TUBB6: variants seen among roughly 807,000 people sequenced by gnomAD.
TUBB6 encodes the protein tubulin beta-6 chain.
TUBB6 carries 18 observed loss-of-function variants against 32.3 expected under a neutral mutation model. The observed-to-expected ratio is 0.56, with a 90% CI of 0.39 to 0.83. TUBB6 has a LOEUF of 0.83. Ranked by LOEUF, TUBB6 falls within the 40% of genes least tolerant of loss-of-function variation. The pLI is 0.00. For synonymous variants in TUBB6, 280 were observed against 265.8 expected (o/e 1.05, Z -0.52); for missense variants, 480 against 632.0 (o/e 0.76, Z 2.58).
At chr18:12,308,971 C>T (rs1452490853) in intron 2 of TUBB6, among the ~76,000 whole-genome samples, 176 bp downstream of exon 2, 3 of 152,220 alleles carry the variant, frequency 2.0e-5, no homozygotes, top group African/African-American at 7.2e-5. Flanking sequence ...ATTCAAACAG[C>T]TCGATTCAGC....
At chr18:12,322,932 GT>G (rs1182118536) in intron 3 of TUBB6, among the ~76,000 whole-genome samples, 5 of 151,952 alleles carry the variant, frequency 3.3e-5, no homozygotes, top group Admixed American at 6.6e-5. Flanking sequence ...CAGAAGAAGA[GT>G]TTTTTAAAGT....
chr18:12,312,428 C>T (rs1906433588), intron 3 of TUBB6, among the ~76,000 whole-genome samples: 1 of 152,202 alleles, frequency 6.6e-6, no homozygotes, highest in African/African-American at 2.4e-5. Flanking sequence ...CCCTTCCACT[C>T]ACTATGTGGC....
At chr18:12,310,162 G>A (rs551976611) in intron 2 of TUBB6, among the ~76,000 whole-genome samples, 1 of 152,230 alleles carries the variant, frequency 6.6e-6, no homozygotes, top group Non-Finnish European at 1.5e-5. Context: ...CCAGTGTTAA[G>A]GTTCTAGGAT....
intron 3 of TUBB6, among the ~76,000 whole-genome samples, chr18:12,322,981 G>A (rs2144161410): frequency 6.6e-6 from 1 of 152,014 alleles, no homozygotes; most frequent in African/African-American, 2.4e-5. Flanking sequence ...TATATCATAT[G>A]CAACTATTTG....
rs543759208 is a variant in TUBB6 at position 12,311,996 on chromosome 18, ATG to A, written c.277+946_277+947del. 2.8e-3 allele frequency among the ~76,000 whole-genome samples: 423 copies of A among 152,342 alleles called. 2 individuals carry two copies. Among genetic ancestry groups the A allele is most frequent in the African/African-American group, 9.8e-3 (408 of 41,584 alleles). On this transcript the variant is annotated intron_variant, in intron 3 of 3. Transcript: ENST00000317702. ...GTGAAAAGCAGTGTCTTCCAAGAAAATGTGAAGAATTTGAAGACTGATTCTGG... is the reference window on the plus strand; with the variant it reads ...GTGAAAAGCAGTGTCTTCCAAGAAAATGAAGAATTTGAAGACTGATTCTGG...
At chr18:12,308,390 G>A in intron 1 of TUBB6, 41 bp downstream of exon 1, 2 of 1,330,050 alleles carry the variant, frequency 1.5e-6, no homozygotes, top group South Asian at 2.1e-5. Context: ...CGGGTCGGCT[G>A]CTGGCGGGCC....
At chr18:12,327,832 G>A (rs559805516), downstream of TUBB6, among the ~76,000 whole-genome samples, 103 of 152,294 alleles carry the variant, frequency 6.8e-4, no homozygotes, top group Admixed American at 1.6e-3. Context: ...CCCCACTCTC[G>A]TCCCCCGGGA....
In TUBB6 at chr18:12,325,926, G is replaced by A. The variant is rs754760088; in HGVS notation, c.1137G>A (p.Lys379=). 51 of 1,614,056 alleles carry A rather than the reference G, an allele frequency of 3.2e-5. No individual in the cohort carries two copies. Among genetic ancestry groups the A allele is most frequent in the Non-Finnish European group, 4.0e-5 (47 of 1,180,048 alleles). ...GNSTAIQELF[K]RISEQFSAMF... is the part of the protein sequence containing the mutation. The stretch of plus-strand genomic sequence containing the variant: ...GCACGGCCATCCAGGAGCTGTTCAA[G>A]CGCATCTCCGAGCAGTTCTCAGCCA... The change falls in exon 4 of 4, where the codon AAG becomes AAA. Residue 379 remains lysine (K), a synonymous_variant. Transcript: ENST00000317702.
intron 2 of TUBB6, among the ~76,000 whole-genome samples, chr18:12,309,079 G>C (rs1052284810): frequency 6.6e-6 from 1 of 152,194 alleles, no homozygotes; most frequent in African/African-American, 2.4e-5. Flanking sequence ...AGCCGGGCGC[G>C]GTGGCTCAAG....
At chr18:12,310,393 A>C (rs1906304282) in intron 2 of TUBB6, among the ~76,000 whole-genome samples, 1 of 150,942 alleles carries the variant, frequency 6.6e-6, no homozygotes, top group Non-Finnish European at 1.5e-5. Flanking sequence ...TGGGAGGCTG[A>C]GGCAGGAGAA....
Position 12,325,413 on chromosome 18 carries a change from T to C in TUBB6, c.624T>C (p.Tyr208=), listed in dbSNP as rs774504482. The change falls in exon 4 of 4, where the codon TAT becomes TAC. Residue 208 remains tyrosine (Y), a synonymous_variant. Coordinates refer to ENST00000317702, the MANE Select transcript of TUBB6 (RefSeq NM_032525.3). ...ACTGCATCGACAACGAGGCGCTCTA[T>C]GACATCTGCTTCCGCACTCTGAAGC... The part of the protein sequence containing the change: ...ETYCIDNEAL[Y]DICFRTLKLT... 1.2e-6 allele frequency: 2 copies of C among 1,614,098 alleles called. No homozygotes were observed. Among genetic ancestry groups the C allele is most frequent in the Non-Finnish European group, 1.7e-6 (2 of 1,180,026 alleles).
rs182569434 is a variant in TUBB6 at position 12,325,000 on chromosome 18, G to A, written c.278-67G>A. 271 of 1,522,094 alleles carry A rather than the reference G, an allele frequency of 1.8e-4. 3 individuals carry two copies. In the South Asian group the frequency reaches 2.9e-3, roughly 16 times the overall value. The allele number at this position is 1,522,094 out of a possible 1,614,324, so 94.3% of individuals were successfully genotyped here. On this transcript the variant is annotated intron_variant, in intron 3 of 3. Coordinates refer to ENST00000317702, the MANE Select transcript of TUBB6 (RefSeq NM_032525.3). ...GGAATCACTTCACACCCTCCTTGTC[G>A]GTGACCAAGCATGGTGATGGCGCAG...
chr18:12,318,915 T>TG (rs1217030268), intron 3 of TUBB6, among the ~76,000 whole-genome samples: 2 of 152,000 alleles, frequency 1.3e-5, no homozygotes, highest in African/African-American at 4.8e-5. Context: ...CTCCCATAGC[T>TG]GGTCTTATAC....
intron 2 of TUBB6, among the ~76,000 whole-genome samples, chr18:12,309,865 G>A (rs1906263429): frequency 6.6e-6 from 1 of 152,204 alleles, no homozygotes; most frequent in Non-Finnish European, 1.5e-5. Flanking sequence ...TGGGGAAACA[G>A]CCAGTGGCGT....
chr18:12,329,127 C>T (rs1447679088), downstream of TUBB6: 7 of 702,812 alleles, frequency 1.0e-5, no homozygotes, highest in African/African-American at 1.7e-5. Flanking sequence ...CTTATCAAGA[C>T]TCCAATTTAA....
rs1290653609 is a variant in TUBB6, at chr18:12,325,851, C to T, written c.1062C>T (p.Cys354=). 1.2e-6 allele frequency: 2 copies of T among 1,614,184 alleles called. No individual in the cohort carries two copies. Among genetic ancestry groups the T allele is most frequent in the Non-Finnish European group, 1.7e-6 (2 of 1,180,054 alleles). ...WIPNNVKVAV[C]DIPPRGLKMA... is the part of the protein sequence containing the mutation. The stretch of plus-strand genomic sequence containing the variant: ...CCAACAACGTGAAGGTGGCCGTGTG[C>T]GACATCCCGCCCCGCGGCCTGAAGA... The change falls in exon 4 of 4, where the codon TGC becomes TGT. Residue 354 remains cysteine, a synonymous_variant. Coordinates refer to ENST00000317702, the MANE Select transcript of TUBB6 (RefSeq NM_032525.3).
In TUBB6 at chr18:12,325,725, C is replaced by A; in HGVS notation, c.936C>A (p.Thr312=). 2 of 1,614,236 alleles carry A rather than the reference C, an allele frequency of 1.2e-6. No homozygotes were observed. The highest frequency in any genetic ancestry group is 1.7e-6 in the Non-Finnish European group (2 of 1,180,050). The change falls in exon 4 of 4, where the codon ACC becomes ACA. Residue 312 remains threonine, a synonymous_variant. Coordinates refer to ENST00000317702, the MANE Select transcript of TUBB6 (RefSeq NM_032525.3). The stretch of plus-strand genomic sequence containing the variant: ...ATCCGCGCCATGGCCGCTACCTGAC[C>A]GTGGCCACCGTGTTCCGCGGGCCCA... The part of the protein sequence containing the change: ...ACDPRHGRYL[T]VATVFRGPMS...
intron 3 of TUBB6, among the ~76,000 whole-genome samples, chr18:12,319,455 T>C (rs1906862575): frequency 6.6e-6 from 1 of 151,838 alleles, no homozygotes; most frequent in African/African-American, 2.4e-5. Flanking sequence ...CCTGCTGACA[T>C]TTTTCTGTGT....
At position 12,310,968 on chromosome 18, in the gene TUBB6, C is replaced by T. The variant is rs1256115127; in HGVS notation, c.192C>T (p.Ala64=). The change falls in exon 3 of 4, where the codon GCC becomes GCT. Residue 64 remains alanine, a synonymous_variant. Transcript: ENST00000317702. The stretch of plus-strand genomic sequence containing the variant: ...CTCAGAAATATGTGCCCAGGGCCGC[C>T]CTGGTGGACTTAGAGCCAGGCACCA... The part of the protein sequence containing the change: ...SSSQKYVPRA[A]LVDLEPGTMD... 6.2e-7 allele frequency: 1 copy of T among 1,613,396 alleles called. No individual in the cohort carries two copies. The highest frequency in any genetic ancestry group is 1.1e-5 in the South Asian group (1 of 90,990).
Sources: allele counts gnomAD v4.1 joint callset (sites outside exome capture counted in the v4.1 genomes callset), GRCh38; gene constraint gnomAD v4.1.1; transcripts MANE v1.5; gene names NCBI Gene and HGNC (gene_info 2026-07-23, HGNC 2026-07-21).